The following DTL variants were observed in gnomAD, a reference collection of about 807,000 sequenced individuals.
The protein encoded by DTL is denticleless E3 ubiquitin protein ligase adapter.
In DTL, 46 loss-of-function variants were observed where a neutral mutation model predicts 87.0. The observed-to-expected ratio is 0.53, with a 90% CI of 0.42 to 0.68. The LOEUF is 0.68. Ranked by LOEUF, DTL falls within the 30% of genes least tolerant of loss-of-function variation. The pLI is 0.00. For synonymous variants in DTL, 308 were observed against 311.2 expected (o/e 0.99, Z 0.11); for missense variants, 737 against 869.4 (o/e 0.85, Z 1.91).
intron 5 of DTL, among the ~76,000 whole-genome samples, chr1:212,053,051 A>G (rs1248830638): frequency 6.6e-6 from 1 of 152,186 alleles, no homozygotes; most frequent in African/African-American, 2.4e-5. Context: ...CCCATTATAC[A>G]CATGCATACA....
At chr1:212,046,901 C>G (rs1312425142) in intron 3 of DTL, among the ~76,000 whole-genome samples, 1 of 152,178 alleles carries the variant, frequency 6.6e-6, no homozygotes, top group Non-Finnish European at 1.5e-5. Flanking sequence ...ATTTACATTC[C>G]CACCAACAGT....
intron 5 of DTL, among the ~76,000 whole-genome samples, chr1:212,053,276 T>C (rs553716980): frequency 1.3e-5 from 2 of 152,290 alleles, no homozygotes; most frequent in South Asian, 2.1e-4. Flanking sequence ...AATTTTCTTA[T>C]GTTTTTTTTA....
chr1:212,053,921 T>G (rs996135697), intron 5 of DTL, among the ~76,000 whole-genome samples: 2 of 152,230 alleles, frequency 1.3e-5, no homozygotes, highest in Non-Finnish European at 2.9e-5. Context: ...TTGAGAATTA[T>G]TCGTTTTCCT....
At chr1:212,082,982 A>T (rs906817254) in intron 13 of DTL, among the ~76,000 whole-genome samples, 1 of 152,226 alleles carries the variant, frequency 6.6e-6, no homozygotes, top group Admixed American at 6.5e-5. Flanking sequence ...ATGCAAGTGA[A>T]GAAGGAAGTT....
At chr1:212,081,363 G>C (rs1024322669) in intron 13 of DTL, among the ~76,000 whole-genome samples, 1 of 152,214 alleles carries the variant, frequency 6.6e-6, no homozygotes, top group Admixed American at 6.5e-5. Flanking sequence ...AGAGAGGCTA[G>C]CATGGCTGGC....
At chr1:212,040,999 C>G (rs531264809) in intron 1 of DTL, among the ~76,000 whole-genome samples, 11 of 152,200 alleles carry the variant, frequency 7.2e-5, no homozygotes, top group Non-Finnish European at 1.3e-4. Context: ...AATTGAGTCT[C>G]TGAAAACTCT....
At chr1:212,095,385 G>A (rs1423797217) in intron 13 of DTL, among the ~76,000 whole-genome samples, 9 of 152,014 alleles carry the variant, frequency 5.9e-5, no homozygotes, top group East Asian at 5.8e-4. Flanking sequence ...TTAGAGTTTC[G>A]CTCTTGTTGC....
intron 1 of DTL, among the ~76,000 whole-genome samples, chr1:212,038,066 A>G (rs528778466): frequency 1.3e-5 from 2 of 152,328 alleles, no homozygotes; most frequent in African/African-American, 4.8e-5. Context: ...ATTTCATCAC[A>G]GGAAGCACTC....
intron 13 of DTL, among the ~76,000 whole-genome samples, chr1:212,093,026 C>T (rs1558090265): frequency 6.6e-6 from 1 of 152,104 alleles, no homozygotes; most frequent in Non-Finnish European, 1.5e-5. Flanking sequence ...AGTTTGATGG[C>T]CCTGTGTATA....
At chr1:212,065,371 A>G (rs1654461401) in intron 7 of DTL, among the ~76,000 whole-genome samples, 1 of 152,054 alleles carries the variant, frequency 6.6e-6, no homozygotes, top group South Asian at 2.1e-4. Flanking sequence ...CAATTTCAAT[A>G]TCTACATTTT....
chr1:212,072,009 G>A (rs1654688714), intron 10 of DTL, 92 bp from the exon 11 acceptor site: 2 of 883,192 alleles, frequency 2.3e-6, no homozygotes, highest in African/African-American at 3.3e-5. Flanking sequence ...GCAATACAGT[G>A]ATAAAACTTG....
chr1:212,038,076 C>G (rs114977369), intron 1 of DTL, among the ~76,000 whole-genome samples: 3,992 of 152,266 alleles, frequency 0.026, 60 homozygotes, highest in African/African-American at 0.047. Flanking sequence ...AGGAAGCACT[C>G]ACACACACTC....
chr1:212,052,057 T>C, intron 5 of DTL: 2 of 991,434 alleles, frequency 2.0e-6, no homozygotes, highest in Non-Finnish European at 3.2e-6. Flanking sequence ...AAGCTGGATA[T>C]GAAATTCTGG....
Position 212,068,797 on chromosome 1 carries a change from T to G in DTL, c.922+94T>G, listed in dbSNP as rs1353643578. On this transcript the variant is annotated intron_variant, in intron 10 of 14. Transcript: ENST00000366991. ...TAATGGGCTTTCTTCTAAACTGAACTTATTAAGCCATATGAGGACTTTGGC... is the reference window on the plus strand; with the variant it reads ...TAATGGGCTTTCTTCTAAACTGAACGTATTAAGCCATATGAGGACTTTGGC... The G allele has an allele frequency of 4.0e-6, 3 of 745,312 alleles. No homozygotes were observed. In the African/African-American group the frequency reaches 5.3e-5, roughly 13 times the overall value. The allele number at this position is 745,312 out of a possible 1,614,324, so 46.2% of individuals were successfully genotyped here.
intron 7 of DTL, among the ~76,000 whole-genome samples, chr1:212,066,150 AT>A (rs887985776): frequency 3.9e-4 from 59 of 151,562 alleles, no homozygotes; most frequent in African/African-American, 7.8e-4. Flanking sequence ...CTTTAATGTA[AT>A]TTTTTTTTCA....
intron 13 of DTL, among the ~76,000 whole-genome samples, chr1:212,084,559 A>C (rs1281141847): frequency 2.0e-5 from 3 of 152,178 alleles, no homozygotes; most frequent in African/African-American, 4.8e-5. Context: ...GAATAAGATA[A>C]ATAGCAGTCC....
chr1:212,068,586 T>C lies in DTL; in HGVS notation c.818-13T>C, dbSNP rs1558081205. ...ATCATCAGGACGTGCTAACTTAAGT[T>C]TCCTTTTTCCAGGATATTCAAGTCT... is the stretch of plus-strand genomic sequence containing the variant. On this transcript the variant is annotated splice_polypyrimidine_tract_variant and intron_variant, in intron 9 of 14. Transcript: ENST00000366991. The C allele has an allele frequency of 6.4e-7, 1 of 1,573,258 alleles. No homozygotes were observed.
At chr1:212,088,502 G>T (rs1412266349) in intron 13 of DTL, among the ~76,000 whole-genome samples, 9 of 152,312 alleles carry the variant, frequency 5.9e-5, no homozygotes, top group East Asian at 1.9e-4. Flanking sequence ...TAAACAAGGG[G>T]CTCTGAGAAC....
intron 13 of DTL, among the ~76,000 whole-genome samples, chr1:212,083,392 A>G (rs1253120936): frequency 1.3e-5 from 2 of 152,194 alleles, no homozygotes; most frequent in East Asian, 3.8e-4. Flanking sequence ...GACACAGCCA[A>G]ACCATATCAG....
Sources: allele counts gnomAD v4.1 joint callset (sites outside exome capture counted in the v4.1 genomes callset), GRCh38; gene constraint gnomAD v4.1.1; transcripts MANE v1.5; gene names NCBI Gene and HGNC (gene_info 2026-07-23, HGNC 2026-07-21).